Variants in EYS observed in about 807,000 individuals in gnomAD.
The protein encoded by EYS is protein eyes shut homolog.
A neutral mutation model predicts 282.1 loss-of-function variants in EYS; 250 were observed. The observed-to-expected ratio is 0.89, with a 90% confidence interval of 0.80 to 0.98. The LOEUF is 0.98. Ranked by LOEUF, EYS falls within the 50% of genes least tolerant of loss-of-function variation. The pLI is 0.00. For synonymous variants in EYS, 1,355 were observed against 1,282.9 expected, an observed-to-expected ratio of 1.06 and a Z score of -1.20; for missense variants, 4,016 against 3,709.0, an observed-to-expected ratio of 1.08 and a Z score of -2.15.
chr6:64,684,156 A>G (rs1008532340), intron 22 of EYS, among the ~76,000 whole-genome samples: 3 of 152,206 alleles, frequency 2.0e-5, no homozygotes, highest in Non-Finnish European at 4.4e-5. Context: ...TATTCTATAC[A>G]AGAGAATAAC....
chr6:64,451,132 GA>G (rs1775320756), intron 26 of EYS, among the ~76,000 whole-genome samples: 1 of 152,042 alleles, frequency 6.6e-6, no homozygotes, highest in African/African-American at 2.4e-5. Flanking sequence ...AGGAAGAAAA[GA>G]GAGAAGAATC....
intron 29 of EYS, among the ~76,000 whole-genome samples, chr6:64,373,415 A>G: frequency 6.6e-6 from 1 of 152,184 alleles, no homozygotes; most frequent in South Asian, 2.1e-4. Flanking sequence ...TGCTGTTGGC[A>G]GACAAGCTGT....
chr6:64,567,939 C>A (rs1004441492), intron 26 of EYS, among the ~76,000 whole-genome samples: 1 of 152,144 alleles, frequency 6.6e-6, no homozygotes, highest in Non-Finnish European at 1.5e-5. Context: ...TCTTTGATTA[C>A]CCCATCATAC....
intron 22 of EYS, among the ~76,000 whole-genome samples, chr6:64,717,351 T>G (rs537170289): frequency 3.9e-4 from 59 of 152,306 alleles, no homozygotes; most frequent in African/African-American, 1.3e-3. Context: ...TGCTCCCCAT[T>G]GCTCATATCA....
intron 39 of EYS, among the ~76,000 whole-genome samples, chr6:63,779,596 C>A (rs2149665173): frequency 6.6e-6 from 1 of 152,130 alleles, no homozygotes; most frequent in South Asian, 2.1e-4. Context: ...TTACTCAGCT[C>A]CTTTAGCAGT....
intron 28 of EYS, among the ~76,000 whole-genome samples, chr6:64,429,361 T>C (rs1034996739): frequency 2.0e-5 from 3 of 152,210 alleles, no homozygotes; most frequent in Non-Finnish European, 4.4e-5. Context: ...CCAGGTGCAG[T>C]GGCTCAGGCC....
At chr6:63,745,437 G>A (rs1582164908) in intron 41 of EYS, among the ~76,000 whole-genome samples, 1 of 152,174 alleles carries the variant, frequency 6.6e-6, no homozygotes, top group Admixed American at 6.5e-5. Context: ...AACGAACATG[G>A]CCCTGCCAAC....
intron 12 of EYS, among the ~76,000 whole-genome samples, chr6:65,288,753 A>G (rs1348247822): frequency 6.6e-6 from 1 of 151,164 alleles, no homozygotes. Context: ...GTCTCCTGCT[A>G]TTTTAAAGAT....
At chr6:64,209,003 T>G (rs1293682111) in intron 31 of EYS, among the ~76,000 whole-genome samples, 2 of 152,160 alleles carry the variant, frequency 1.3e-5, no homozygotes, top group Admixed American at 1.3e-4. Flanking sequence ...TACTATGTTA[T>G]TTCTTCTTCA....
At chr6:64,816,774 A>G (rs80134196) in intron 21 of EYS, among the ~76,000 whole-genome samples, 20,698 of 152,040 alleles carry the variant, frequency 0.14, 1,773 homozygotes, top group Admixed American at 0.29. Context: ...AAGTAGTGCT[A>G]ATTATTTTAT....
chr6:64,845,059 C>T (rs184407522), intron 19 of EYS, among the ~76,000 whole-genome samples: 9 of 152,128 alleles, frequency 5.9e-5, no homozygotes, highest in Admixed American at 2.0e-4. Flanking sequence ...GAGGCAGAGG[C>T]GGGAGGATTG....
At chr6:65,466,617 T>C (rs919657021) in intron 5 of EYS, among the ~76,000 whole-genome samples, 7 of 151,928 alleles carry the variant, frequency 4.6e-5, no homozygotes, top group Non-Finnish European at 7.4e-5. Flanking sequence ...TAAGAGATAT[T>C]TGGAAATTGG....
chr6:63,735,419 T>C (rs978059427), intron 41 of EYS, among the ~76,000 whole-genome samples: 6 of 151,988 alleles, frequency 3.9e-5, no homozygotes, highest in Admixed American at 6.6e-5. Context: ...ATTGTTCCTA[T>C]TTTATTGCAT....
Position 65,335,086 on chromosome 6 carries a change from A to T in EYS, c.1660T>A (p.Cys554Ser), listed in dbSNP as rs145102275. ...EEDSQEYRYL[C>S]FLRWAGNMYL... Reference sequence around the variant, plus strand: ...ATGTTGCCAGCCCATCTGAGAAAACATAGATACCGATATTCCTGACTGTCT... The same window carrying T: ...ATGTTGCCAGCCCATCTGAGAAAACTTAGATACCGATATTCCTGACTGTCT... Residue 554 changes from cysteine to serine, a missense_variant, in exon 11 of 43, where the codon TGT (cysteine) becomes AGT (serine). Transcript: ENST00000503581. 1.4e-4 allele frequency: 224 copies of T among 1,612,168 alleles called. 2 individuals carry two copies. The African/African-American group carries it at 2.7e-3, about 20-fold the overall frequency.
At chr6:64,088,757 T>TG (rs1582251010) in intron 31 of EYS, among the ~76,000 whole-genome samples, 1 of 151,930 alleles carries the variant, frequency 6.6e-6, no homozygotes, top group East Asian at 1.9e-4. Context: ...ACAAAAGAGA[T>TG]GAGTATCTTT....
At chr6:64,742,496 G>T (rs1469032136) in intron 22 of EYS, among the ~76,000 whole-genome samples, 1 of 152,122 alleles carries the variant, frequency 6.6e-6, no homozygotes, top group East Asian at 1.9e-4. Flanking sequence ...TAAATACTTC[G>T]CTATCTTGAA....
chr6:64,347,461 G>C (rs1041841609), intron 29 of EYS, among the ~76,000 whole-genome samples: 18 of 151,386 alleles, frequency 1.2e-4, no homozygotes, highest in Admixed American at 3.3e-4. Flanking sequence ...AAGATGGAGG[G>C]TGTAGTATAC....
At chr6:64,774,706 CCAAT>C (rs1300365873) in intron 22 of EYS, among the ~76,000 whole-genome samples, 1 of 151,832 alleles carries the variant, frequency 6.6e-6, no homozygotes, top group African/African-American at 2.4e-5. Context: ...CCTAATCTGG[CCAAT>C]CAGATAGACT....
At chr6:64,178,371 CAG>C (rs1429692346) in intron 31 of EYS, among the ~76,000 whole-genome samples, 2 of 152,100 alleles carry the variant, frequency 1.3e-5, no homozygotes, top group East Asian at 3.9e-4. Flanking sequence ...ATGAAGACAA[CAG>C]AGTCCTTGTA....
Sources: gnomAD v4.1 joint callset for allele counts (sites outside exome capture counted in the v4.1 genomes callset) on GRCh38, gnomAD v4.1.1 for gene constraint, MANE v1.5 for transcripts, NCBI Gene and HGNC (gene_info 2026-07-23, HGNC 2026-07-21) for gene names.